Variants in QRICH2 observed in about 807,000 individuals in gnomAD.
QRICH2 encodes glutamine-rich protein 2.
In QRICH2, 119 loss-of-function variants were observed where a neutral mutation model predicts 168.3. That is an observed-to-expected ratio of 0.71 (90% CI 0.61 to 0.82). QRICH2 has a LOEUF of 0.82. Among genes scored for constraint, QRICH2 ranks in the 40% least tolerant of loss-of-function variants. QRICH2 has a pLI of 0.00. For missense variants in QRICH2, 2,241 were observed against 2,491.6 expected, an observed-to-expected ratio of 0.90 and a Z score of 2.14; for synonymous variants, 894 against 951.2, an observed-to-expected ratio of 0.94 and a Z score of 1.11.
At chr17:76,294,147 C>G in intron 3 of QRICH2, 126 bp from the exon 4 acceptor site, 1 of 1,213,328 alleles carries the variant, frequency 8.2e-7, no homozygotes, top group Non-Finnish European at 1.1e-6. Flanking sequence ...CCCTCTGGTC[C>G]TAAAAGCTAA....
chr17:76,306,533 T>C (rs2070993943), intron 1 of QRICH2, among the ~76,000 whole-genome samples: 1 of 152,228 alleles, frequency 6.6e-6, no homozygotes, highest in African/African-American at 2.4e-5. Context: ...CTTCCTGCTG[T>C]TCACTGGACA....
At position 76,307,666 on chromosome 17, in the gene QRICH2, C is replaced by T. The variant is rs2071012196; in HGVS notation, c.333G>A (p.Glu111=). ...CACGCTTGAGCTGCTTGCTCAGGTCCTCCACCTGGCCGCCCAGGTCCTTCA... is the reference window on the plus strand; with the variant it reads ...CACGCTTGAGCTGCTTGCTCAGGTCTTCCACCTGGCCGCCCAGGTCCTTCA... ...SQVKDLGGQV[E]DLSKQLKRVD... The change falls in exon 1 of 19, where the codon GAG becomes GAA. Residue 111 remains glutamate (E), a synonymous_variant. Coordinates refer to ENST00000680821, the MANE Select transcript of QRICH2 (RefSeq NM_001388453.1). This position sits in a 1 kb window ranked among gnomAD's most constrained non-coding sequence, Gnocchi z 5.3. The T allele has an allele frequency of 1.4e-6, 2 of 1,464,036 alleles. No individual in the cohort carries two copies. The highest frequency in any genetic ancestry group is 1.8e-6 in the Non-Finnish European group (2 of 1,104,058). 90.7% of individuals were successfully genotyped at this position (1,464,036 alleles called of 1,614,324 possible).
At position 76,280,160 on chromosome 17, in the gene QRICH2, G is replaced by A. The variant is rs367574437; in HGVS notation, c.4627-6C>T. 6 of 1,613,004 alleles carry A rather than the reference G, an allele frequency of 3.7e-6. No individual in the cohort carries two copies. In the African/African-American group the frequency reaches 8.0e-5, roughly 22 times the overall value. ...TCCAGCTCCAGGCGGTCCAGCTGTG[G>A]CGGGGAAAGAGGGGCCAGGGGACCT... is the stretch of plus-strand genomic sequence containing the variant. On this transcript the variant is annotated splice_region_variant and splice_polypyrimidine_tract_variant and intron_variant, in intron 11 of 18. Transcript: ENST00000680821. This position sits in a 1 kb window ranked among gnomAD's most constrained non-coding sequence, Gnocchi z 7.4.
Position 76,291,731 on chromosome 17 carries a change from G to A in QRICH2, c.2996C>T (p.Thr999Ile). ...RGSSTFQADS[T>I]GFISVRPYQH... is the part of the protein sequence containing the mutation. ...ATATGGACGTACTGATATAAAACCT[G>A]TAGAATCTGCCTGGAATGTTGAAGA... The change falls in exon 4 of 19, where the codon ACA (threonine) becomes ATA (isoleucine). Residue 999 changes from threonine to isoleucine, a missense_variant. Transcript: ENST00000680821. The A allele has an allele frequency of 3.1e-6, 5 of 1,614,190 alleles. No individual in the cohort carries two copies. The highest frequency in any genetic ancestry group is 1.1e-5 in the South Asian group (1 of 91,082).
In QRICH2 at chr17:76,278,688, G is replaced by A. The variant is rs565043737; in HGVS notation, c.4916+353C>T. On this transcript the variant is annotated intron_variant, in intron 14 of 18. Coordinates refer to ENST00000680821, the MANE Select transcript of QRICH2 (RefSeq NM_001388453.1). ...AGCTATACCGGACCCTCCCCCCACC[G>A]CTCTAATCCCGGGGTTGCTGAGACA... 9.2e-5 allele frequency among the ~76,000 whole-genome samples: 14 copies of A among 152,310 alleles called. No homozygotes were observed. In the East Asian group the frequency reaches 1.4e-3, roughly 15 times the overall value.
chr17:76,293,151 C>T lies in QRICH2; in HGVS notation c.1576G>A (p.Val526Ile). ...CCATGCTGGTCTGTAAAAGGTAGAA[C>T]CAGGCCATGTTGATCGACGACAGGC... ...TLPVVDQHGLVLPFTDQHGLV... is the reference protein window; with the variant it reads ...TLPVVDQHGLILPFTDQHGLV... The change falls in exon 4 of 19, where the codon GTT (valine) becomes ATT (isoleucine). Residue 526 changes from valine to isoleucine, a missense_variant. Coordinates refer to ENST00000680821, the MANE Select transcript of QRICH2 (RefSeq NM_001388453.1). 3 of 1,614,236 alleles carry T rather than the reference C, an allele frequency of 1.9e-6. No individual in the cohort carries two copies. The highest frequency in any genetic ancestry group is 2.5e-6 in the Non-Finnish European group (3 of 1,180,034).
Position 76,307,775 on chromosome 17 carries a change from G to C in QRICH2, c.224C>G (p.Ala75Gly). The change falls in exon 1 of 19, where the codon GCG becomes GGG. Residue 75 changes from alanine to glycine, a missense_variant. Ala to Gly is a moderately conservative substitution (Grantham distance 60, BLOSUM62 0). Coordinates refer to ENST00000680821, the MANE Select transcript of QRICH2 (RefSeq NM_001388453.1). The surrounding 1 kb of genome is among the most constrained non-coding windows in gnomAD (Gnocchi z 5.3). ...CGCCCCCTTGGGCACCTCCTTGGGC[G>C]CGGGCAGGTGCGGGATGCTGAACGA... ...RSSFSIPHLP[A>G]PKEVPKGAPR... is the part of the protein sequence containing the mutation. The C allele has an allele frequency of 7.2e-7, 1 of 1,384,616 alleles. No individual in the cohort carries two copies. The highest frequency in any genetic ancestry group is 2.8e-5 in the East Asian group (1 of 36,014). The allele number at this position is 1,384,616 out of a possible 1,614,324, so 85.8% of individuals were successfully genotyped here. A position where few individuals can be genotyped will look rare whatever the true frequency, so the allele number is the denominator to read the frequency against.
Position 76,274,088 on chromosome 17 carries a change from G to C in QRICH2, c.5655C>G (p.Thr1885=). Residue 1885 remains threonine, a synonymous_variant, in exon 19 of 19, where the codon ACC becomes ACG. Transcript: ENST00000680821. ...TTATTTACACCTCCGCTCACTGAGC[G>C]GTGCTGGACCGCGGCCCCCGCGTGG... ...EEPTRGPRSS[T]AQ 2 of 1,558,268 alleles carry C rather than the reference G, an allele frequency of 1.3e-6. No individual in the cohort carries two copies. The highest frequency in any genetic ancestry group is 1.7e-6 in the Non-Finnish European group (2 of 1,158,010).
Position 76,279,365 on chromosome 17 carries a change from T to C in QRICH2, c.4812A>G (p.Gly1604=), listed in dbSNP as rs767610378. ...GTGCCGGCGGTGTGGGCACTCACTGTCCAGTCACAGGTGTCTCCAAGGGCC... is the reference window on the plus strand; with the variant it reads ...GTGCCGGCGGTGTGGGCACTCACTGCCCAGTCACAGGTGTCTCCAAGGGCC... ...CDRPLETPVT[G]HAIPVTPAGP... Residue 1604 remains glycine, a splice_region_variant and synonymous_variant, in exon 13 of 19, where the codon GGA becomes GGG. Coordinates refer to ENST00000680821, the MANE Select transcript of QRICH2 (RefSeq NM_001388453.1). 1.9e-6 allele frequency: 3 copies of C among 1,612,198 alleles called. No individual in the cohort carries two copies. Among genetic ancestry groups the C allele is most frequent in the Non-Finnish European group, 2.5e-6 (3 of 1,179,158 alleles).
chr17:76,274,760 C>A (rs2070642887), intron 18 of QRICH2, among the ~76,000 whole-genome samples: 1 of 152,152 alleles, frequency 6.6e-6, no homozygotes, highest in South Asian at 2.1e-4. Context: ...AGCCTCTGGG[C>A]CAGAGGGCTT....
Position 76,278,020 on chromosome 17 carries a change from C to A in QRICH2, c.5086G>T (p.Ala1696Ser). 1 of 1,613,200 alleles carries A rather than the reference C, an allele frequency of 6.2e-7. No homozygotes were observed. Among genetic ancestry groups the A allele is most frequent in the African/African-American group, 1.3e-5 (1 of 75,078 alleles). ...TAGCAGGGGGAGCCCAGGCACTGGG[C>A]GTGCAGCAGCTCGCGGATTATCTGG... ...SSQIIRELLHAQCLGSPCYKR... is the reference protein window; with the variant it reads ...SSQIIRELLHSQCLGSPCYKR... The change falls in exon 15 of 19, where the codon GCC (alanine) becomes TCC (serine). Residue 1696 changes from alanine (A) to serine (S), a missense_variant. Physicochemically the swap from Ala to Ser is moderately conservative, Grantham distance 99. This residue lies in a region of QRICH2 where 2,047 missense variants were observed against 2,303.8 expected (regional missense o/e 0.89). Transcript: ENST00000680821.
In QRICH2 at chr17:76,305,067, A is replaced by T. The variant is rs1333037862; in HGVS notation, c.535-126T>A. On this transcript the variant is annotated intron_variant, in intron 1 of 18. Coordinates refer to ENST00000680821, the MANE Select transcript of QRICH2 (RefSeq NM_001388453.1). ...CACACACATGCATACACGCACATTC[A>T]CACACTGACTCAGTGCCAGGAGACG... is the stretch of plus-strand genomic sequence containing the variant. 4 of 733,724 alleles carry T rather than the reference A, an allele frequency of 5.5e-6. No homozygotes were observed. In the Admixed American group the frequency reaches 7.3e-5, roughly 13 times the overall value. 45.5% of individuals were successfully genotyped at this position (733,724 alleles called of 1,614,324 possible). A position where few individuals can be genotyped will look rare whatever the true frequency, so the allele number is the denominator to read the frequency against.
At position 76,280,505 on chromosome 17, in the gene QRICH2, C is replaced by T. The variant is rs367985186; in HGVS notation, c.4462-54G>A. On this transcript the variant is annotated intron_variant, in intron 10 of 18. Coordinates refer to ENST00000680821, the MANE Select transcript of QRICH2 (RefSeq NM_001388453.1). This position sits in a 1 kb window ranked among gnomAD's most constrained non-coding sequence, Gnocchi z 7.4. Reference sequence around the variant, plus strand: ...ATCTGGGAGATGGCCATGGAGGGGCCCCATTCCCTGGGGGTGTCGACCCCT... The same window carrying T: ...ATCTGGGAGATGGCCATGGAGGGGCTCCATTCCCTGGGGGTGTCGACCCCT... 6.2e-7 allele frequency: 1 copy of T among 1,603,362 alleles called. No individual in the cohort carries two copies. The highest frequency in any genetic ancestry group is 8.5e-7 in the Non-Finnish European group (1 of 1,174,204).
intron 18 of QRICH2, 89 bp from the exon 19 acceptor site, chr17:76,274,349 G>T: frequency 7.3e-7 from 1 of 1,368,672 alleles, no homozygotes; most frequent in Non-Finnish European, 1.0e-6. Context: ...GGGAGGTTGA[G>T]AGCAGTTCTG....
At chr17:76,279,529 G>T in intron 12 of QRICH2, 101 bp from the exon 13 acceptor site, 1 of 853,776 alleles carries the variant, frequency 1.2e-6, no homozygotes. Context: ...CCACCAGGGT[G>T]CAGATCATGT....
rs756614677 is a variant in QRICH2 at position 76,291,034 on chromosome 17, C to T, written c.3693G>A (p.Gln1231=). 5.0e-6 allele frequency: 8 copies of T among 1,612,968 alleles called. No homozygotes were observed. In the South Asian group the frequency reaches 8.8e-5, roughly 18 times the overall value. ...QAGQTDLEKI[Q]FLLAQMVKRT... ...ACCCACCCATCTGTGCCAGCAGGAA[C>T]TGGATCTTCTCCAAGTCGGTTTGGC... Residue 1231 remains glutamine (Q), a synonymous_variant, in exon 4 of 19, where the codon CAG becomes CAA. Transcript: ENST00000680821.
chr17:76,277,645 CATACTCA>C (rs1166747001), intron 15 of QRICH2, among the ~76,000 whole-genome samples: 2 of 151,936 alleles, frequency 1.3e-5, no homozygotes, highest in African/African-American at 2.4e-5. Context: ...CATATACATA[CATACTCA>C]TACACATGCA....
intron 5 of QRICH2, among the ~76,000 whole-genome samples, chr17:76,288,690 G>C (rs2070935096): frequency 6.6e-6 from 1 of 152,032 alleles, no homozygotes; most frequent in Non-Finnish European, 1.5e-5. Context: ...GGGCAACAGA[G>C]CGAGACTCCG....
rs563636276 is a variant in QRICH2, at chr17:76,307,615, G to A, written c.384C>T (p.Ala128=). 4 of 1,528,002 alleles carry A rather than the reference G, an allele frequency of 2.6e-6. No individual in the cohort carries two copies. Among genetic ancestry groups the A allele is most frequent in the East Asian group, 2.5e-5 (1 of 40,538 alleles). The allele number at this position is 1,528,002 out of a possible 1,614,324, so 94.7% of individuals were successfully genotyped here. ...KRVDGQVQGI[A]THVQHFSQAS... is the part of the protein sequence containing the mutation. ...CCTGGGAGAAGTGCTGCACGTGCGT[G>A]GCGATGCCCTGCACCTGGCCGTCCA... Residue 128 remains alanine (A), a synonymous_variant, in exon 1 of 19, where the codon GCC becomes GCT. Transcript: ENST00000680821. The surrounding 1 kb of genome is among the most constrained non-coding windows in gnomAD (Gnocchi z 5.3).
Sources: gnomAD v4.1 joint callset for allele counts (sites outside exome capture counted in the v4.1 genomes callset) on GRCh38, gnomAD v4.1.1 for gene constraint, gnomAD v4.1.1 regional missense constraint, Gnocchi (gnomAD v3.1) non-coding constraint, MANE v1.5 for transcripts, NCBI Gene and HGNC (gene_info 2026-07-23, HGNC 2026-07-21) for gene names.